The following AMZ1 variants were observed in gnomAD, a reference collection of about 807,000 sequenced individuals.
AMZ1 encodes archaelysin family metallopeptidase 1, also known as archaemetzincin-1.
A neutral mutation model predicts 29.9 loss-of-function variants in AMZ1; 39 were observed. The ratio of observed to expected loss-of-function variants is 1.30; its 90% CI spans 1.01 to 1.70. AMZ1 has a LOEUF of 1.70. AMZ1 is among the 40% of genes most tolerant of loss of function. The pLI, the probability that AMZ1 is intolerant of heterozygous loss-of-function variation, is 0.00. For missense variants in AMZ1, 1,041 were observed against 680.6 expected, an observed-to-expected ratio of 1.53 and a Z score of -5.89; for synonymous variants, 458 against 304.0, an observed-to-expected ratio of 1.51 and a Z score of -5.27.
intron 4 of AMZ1, among the ~76,000 whole-genome samples, chr7:2,737,477 C>T (rs370638179): frequency 5.1e-4 from 77 of 151,840 alleles, no homozygotes; most frequent in South Asian, 2.9e-3. Context: ...TTAGTAGAGA[C>T]GGGGTTTCAC....
Position 2,731,046 on chromosome 7 carries a change from G to C in AMZ1, n.550+21230G>C. The C allele has an allele frequency of 1.6e-6, 1 of 611,236 alleles. No individual in the cohort carries two copies. The highest frequency in any genetic ancestry group is 2.1e-5 in the South Asian group (1 of 47,554). The allele number at this position is 611,236 out of a possible 1,614,324, so 37.9% of individuals were successfully genotyped here. A position where few individuals can be genotyped will look rare whatever the true frequency, so the allele number is the denominator to read the frequency against. ...AGCTCGCTGGCTGGCTGGTCTGACA[G>C]CATTCCTGAGCCAGGTATTCCAGGG... On this transcript the variant is annotated intron_variant and non_coding_transcript_variant, in intron 4 of 4. Coordinates refer to the AMZ1 transcript ENST00000489665. The surrounding 1 kb of genome is among the most constrained non-coding windows in gnomAD (Gnocchi z 6.0).
intron 4 of AMZ1, among the ~76,000 whole-genome samples, chr7:2,738,986 T>G (rs763065541): frequency 1.3e-5 from 2 of 152,114 alleles, no homozygotes; most frequent in Non-Finnish European, 2.9e-5. Context: ...CACCCCTTGG[T>G]CACAGCAGTG....
intron 4 of AMZ1, among the ~76,000 whole-genome samples, chr7:2,757,197 A>G (rs1348757410): frequency 7.6e-6 from 1 of 131,876 alleles, no homozygotes; most frequent in East Asian, 2.3e-4. Flanking sequence ...GTGTAGTGGC[A>G]CGATCTTGGC....
At chr7:2,693,439 G>A (rs1413560770) in intron 1 of AMZ1, among the ~76,000 whole-genome samples, 1 of 152,140 alleles carries the variant, frequency 6.6e-6, no homozygotes, top group African/African-American at 2.4e-5. Flanking sequence ...GAGTGCAGTG[G>A]TGCGATCACA....
Position 2,709,694 on chromosome 7 carries a change from C to A in AMZ1, c.826C>A (p.Arg276Ser). 6.2e-7 allele frequency: 1 copy of A among 1,610,962 alleles called. No individual in the cohort carries two copies. Among genetic ancestry groups the A allele is most frequent in the African/African-American group, 1.3e-5 (1 of 74,990 alleles). ...GGGCCTGGGGAACTGCCGCTGGCTC[C>A]GCTGCCTCATGCAGGGTGCGCTCAG... ...LLGLGNCRWL[R>S]CLMQGALSLD... Residue 276 changes from arginine (R) to serine (S), a missense_variant, in exon 6 of 7, where the codon CGC (arginine) becomes AGC (serine). By Grantham distance (110) the Arg-to-Ser change is moderately radical. Coordinates refer to ENST00000683327, the MANE Select transcript of AMZ1 (RefSeq NM_001384743.1).
intron 3 of AMZ1, 43 bp downstream of exon 3, chr7:2,702,932 C>A (rs34455161): frequency 2.6e-6 from 4 of 1,532,224 alleles, no homozygotes; most frequent in Non-Finnish European, 2.6e-6. Flanking sequence ...AGGCAGGCCC[C>A]TTCTGGAAGG....
At chr7:2,711,800 T>C (rs770971903) in intron 6 of AMZ1, among the ~76,000 whole-genome samples, 7 of 152,132 alleles carry the variant, frequency 4.6e-5, no homozygotes, top group Non-Finnish European at 8.8e-5. Context: ...TCCCAGCACT[T>C]TGGGAGGCGG....
At chr7:2,680,262 G>C (rs1170783796) in intron 1 of AMZ1, among the ~76,000 whole-genome samples, 1 of 152,112 alleles carries the variant, frequency 6.6e-6, no homozygotes, top group Non-Finnish European at 1.5e-5. Flanking sequence ...TCTCACCAGG[G>C]GGCTGCTTCT....
In AMZ1 at chr7:2,716,484, A is replaced by C. The variant is rs1789130636; in HGVS notation, c.*3606A>C. The C allele has an allele frequency of 6.9e-6, 1 of 145,168 alleles. No individual in the cohort carries two copies. Among genetic ancestry groups the C allele is most frequent in the Non-Finnish European group, 1.5e-5 (1 of 66,532 alleles). 9.0% of individuals were successfully genotyped at this position (145,168 alleles called of 1,614,324 possible). A position where few individuals can be genotyped will look rare whatever the true frequency, so the allele number is the denominator to read the frequency against. ...AATATTTGCTTCAGACCTTTCCCCG[A>C]TGAACGAAATCTCCAAAAGCCTTAA... On this transcript the variant is annotated 3_prime_UTR_variant, in exon 7 of 7. Transcript: ENST00000683327.
intron 1 of AMZ1, among the ~76,000 whole-genome samples, chr7:2,689,749 A>G (rs1787276851): frequency 6.6e-6 from 1 of 152,226 alleles, no homozygotes; most frequent in Non-Finnish European, 1.5e-5. Flanking sequence ...CAGTTAGCAG[A>G]GGAGGGGGAC....
downstream of AMZ1, among the ~76,000 whole-genome samples, chr7:2,724,227 T>G (rs1157567298): frequency 6.6e-6 from 1 of 152,048 alleles, no homozygotes; most frequent in Non-Finnish European, 1.5e-5. Flanking sequence ...CCACTTCTGG[T>G]CAGACTTTAA....
At position 2,718,898 on chromosome 7, in the gene AMZ1, G is replaced by A. The variant is rs939421512; in HGVS notation, c.*6020G>A. On this transcript the variant is annotated 3_prime_UTR_variant, in exon 7 of 7. Coordinates refer to ENST00000683327, the MANE Select transcript of AMZ1 (RefSeq NM_001384743.1). ...GTGGGTTGGAAGAGGCAGAGAACAC[G>A]CTTTTCTCAGGGTCGCTTAACACAG... Among the ~76,000 whole-genome samples the A allele has an allele frequency of 2.0e-5, 3 of 152,216 alleles. No individual in the cohort carries two copies. The highest frequency in any genetic ancestry group is 4.4e-5 in the Non-Finnish European group (3 of 68,036).
intron 4 of AMZ1, among the ~76,000 whole-genome samples, chr7:2,755,340 T>C (rs1209067858): frequency 6.6e-6 from 1 of 152,246 alleles, no homozygotes; most frequent in Non-Finnish European, 1.5e-5. Flanking sequence ...TGTGTATCAA[T>C]CAGGGGAGAA....
chr7:2,679,941 C>G (rs1337377320), intron 1 of AMZ1, among the ~76,000 whole-genome samples: 2 of 152,200 alleles, frequency 1.3e-5, no homozygotes, highest in African/African-American at 2.4e-5. Context: ...GCCTCGTAGG[C>G]AGAGGGACCC....
At chr7:2,687,943 C>T (rs1358161289), upstream of AMZ1, among the ~76,000 whole-genome samples, 1 of 152,256 alleles carries the variant, frequency 6.6e-6, no homozygotes, top group Non-Finnish European at 1.5e-5. Context: ...CTCCTCTCAC[C>T]TGGGGAGGCA....
chr7:2,687,715 T>C (rs1583135722), upstream of AMZ1, among the ~76,000 whole-genome samples: 2 of 130,514 alleles, frequency 1.5e-5, no homozygotes, highest in East Asian at 4.6e-4. Context: ...GGGGCTTCGC[T>C]GATAAGCCTG....
rs1789257130 is a variant in AMZ1 at position 2,718,437 on chromosome 7, G to A, written c.*5559G>A. On this transcript the variant is annotated 3_prime_UTR_variant, in exon 7 of 7. Transcript: ENST00000683327. ...TCACCGCGCTTTGTGAGTCTGTCTC[G>A]TGGGCCTCCTTCAGTGGTCTGTGAC... 2.0e-5 allele frequency among the ~76,000 whole-genome samples: 3 copies of A among 152,334 alleles called. No homozygotes were observed. In the South Asian group the frequency reaches 6.2e-4, roughly 32 times the overall value.
At chr7:2,695,106 C>T (rs561541606) in intron 1 of AMZ1, among the ~76,000 whole-genome samples, 2 of 152,352 alleles carry the variant, frequency 1.3e-5, no homozygotes, top group African/African-American at 4.8e-5. Context: ...CCTCACGGCT[C>T]CTCCTTGCTC....
chr7:2,703,420 C>T (rs62441366), intron 3 of AMZ1, among the ~76,000 whole-genome samples: 7,478 of 152,172 alleles, frequency 0.049, 303 homozygotes, highest in South Asian at 0.11. Context: ...GGATGACAGG[C>T]GTGAGTCACC....
Sources: gnomAD v4.1 joint callset for allele counts (sites outside exome capture counted in the v4.1 genomes callset) on GRCh38, gnomAD v4.1.1 for gene constraint, Gnocchi (gnomAD v3.1) non-coding constraint, MANE v1.5 for transcripts, NCBI Gene and HGNC (gene_info 2026-07-23, HGNC 2026-07-21) for gene names.